Variants in TCEA3 observed in about 807,000 individuals in gnomAD.
The protein encoded by TCEA3 is transcription elongation factor A3.
In TCEA3, 36 loss-of-function variants were observed where a neutral mutation model predicts 44.0. That is an observed-to-expected ratio of 0.82 (90% CI 0.63 to 1.08). The LOEUF (loss-of-function observed/expected upper bound fraction) is 1.08, where lower values mean the gene tolerates loss of function less well. Among genes scored for constraint, TCEA3 ranks in the 50% least tolerant of loss-of-function variants. The pLI is 0.00. For missense variants in TCEA3, 392 were observed against 441.2 expected (o/e 0.89, Z 1.00); for synonymous variants, 162 against 159.7 (o/e 1.01, Z -0.11).
rs537364168 is a variant in TCEA3, at chr1:23,381,324, G to T, written c.*142C>A. 20 of 676,878 alleles carry T rather than the reference G, an allele frequency of 3.0e-5. No homozygotes were observed. The Admixed American group carries it at 4.7e-4, about 16-fold the overall frequency. 41.9% of individuals were successfully genotyped at this position (676,878 alleles called of 1,614,324 possible). On this transcript the variant is annotated 3_prime_UTR_variant, in exon 11 of 11. Coordinates refer to ENST00000450454, the MANE Select transcript of TCEA3 (RefSeq NM_003196.3). ...AATGACCGATTATTAATTTGCAAGA[G>T]AATTCTTCCTCTAACTCATACCATC... is the stretch of plus-strand genomic sequence containing the variant.
chr1:23,419,070 G>A lies in TCEA3; in HGVS notation c.132+7C>T, dbSNP rs372202082. 443 of 472,868 alleles carry A rather than the reference G, an allele frequency of 9.4e-4. 2 individuals carry two copies. The highest frequency in any genetic ancestry group is 4.7e-4 in the Non-Finnish European group (158 of 339,712). The allele number at this position is 472,868 out of a possible 1,614,324, so 29.3% of individuals were successfully genotyped here. The stretch of plus-strand genomic sequence containing the variant: ...CACTGTCCCAAGGCTTCCCACCCCC[G>A]CCCCACCTGTAGTAGCTGGATGGAC... On this transcript the variant is annotated splice_region_variant and intron_variant, in intron 2 of 10. Transcript: ENST00000450454.
chr1:23,413,137 T>C (rs754138389), intron 4 of TCEA3, among the ~76,000 whole-genome samples: 2 of 152,066 alleles, frequency 1.3e-5, no homozygotes, highest in Admixed American at 1.3e-4. Flanking sequence ...CATATGAATG[T>C]TCTTTTTTTC....
At chr1:23,424,493 C>T in intron 1 of TCEA3, 72 bp downstream of exon 1, 1 of 1,427,294 alleles carries the variant, frequency 7.0e-7, no homozygotes, top group Non-Finnish European at 9.7e-7. Flanking sequence ...CCAGTACGTC[C>T]CCACCCCGGA....
intron 5 of TCEA3, among the ~76,000 whole-genome samples, chr1:23,405,227 T>C (rs1241084865): frequency 6.6e-6 from 1 of 152,088 alleles, no homozygotes. Flanking sequence ...AATCAATGAA[T>C]GGATGAAAGA....
At chr1:23,397,120 C>A (rs988944905) in intron 7 of TCEA3, among the ~76,000 whole-genome samples, 2 of 151,876 alleles carry the variant, frequency 1.3e-5, no homozygotes, top group African/African-American at 2.4e-5. Context: ...GAAGTAACGA[C>A]TTGGCCAACT....
chr1:23,400,470 A>G (rs1001257711), intron 5 of TCEA3, among the ~76,000 whole-genome samples: 4 of 150,516 alleles, frequency 2.7e-5, no homozygotes, highest in South Asian at 2.1e-4. Flanking sequence ...TGGCCTCCCA[A>G]TGTGCTGAGA....
At chr1:23,424,497 C>A in intron 1 of TCEA3, 68 bp downstream of exon 1, 1 of 1,465,496 alleles carries the variant, frequency 6.8e-7, no homozygotes, top group East Asian at 2.3e-5. Context: ...TACGTCCCCA[C>A]CCCGGAATCC....
At chr1:23,382,405 G>A (rs573123832) in intron 10 of TCEA3, among the ~76,000 whole-genome samples, 21 of 152,234 alleles carry the variant, frequency 1.4e-4, no homozygotes, top group African/African-American at 2.6e-4. Context: ...CCAAACTCCC[G>A]TAATACTAGT....
chr1:23,391,053 A>T (rs1474352944), intron 8 of TCEA3, among the ~76,000 whole-genome samples: 6 of 152,116 alleles, frequency 3.9e-5, no homozygotes, highest in African/African-American at 1.4e-4. Flanking sequence ...GACACCGTCC[A>T]CATGGGTTCC....
chr1:23,389,860 G>A (rs1223092311), intron 8 of TCEA3, among the ~76,000 whole-genome samples: 1 of 152,168 alleles, frequency 6.6e-6, no homozygotes, highest in Non-Finnish European at 1.5e-5. Flanking sequence ...GTTGGGAAGA[G>A]CTACACATCA....
intron 10 of TCEA3, chr1:23,383,438 G>T: frequency 1.1e-6 from 1 of 950,238 alleles, no homozygotes; most frequent in Non-Finnish European, 1.3e-6. Context: ...TCTTGTAGTT[G>T]TTTGCAAAGT....
At chr1:23,416,957 G>A (rs557305432) in intron 4 of TCEA3, among the ~76,000 whole-genome samples, 8 of 152,254 alleles carry the variant, frequency 5.3e-5, no homozygotes, top group Admixed American at 2.6e-4. Context: ...ACTGCCGTGC[G>A]GTCTCCTATG....
intron 5 of TCEA3, among the ~76,000 whole-genome samples, chr1:23,399,259 T>A (rs919894398): frequency 4.0e-5 from 6 of 150,290 alleles, no homozygotes; most frequent in South Asian, 2.1e-4. Flanking sequence ...GAGGCTTCAC[T>A]AGCAGAAATT....
At chr1:23,421,929 T>C (rs1379913947) in intron 1 of TCEA3, among the ~76,000 whole-genome samples, 3 of 152,158 alleles carry the variant, frequency 2.0e-5, no homozygotes, top group Non-Finnish European at 2.9e-5. Flanking sequence ...CTGGGTCATA[T>C]TGGAGGAGAA....
intron 2 of TCEA3, 100 bp downstream of exon 2, chr1:23,418,977 A>G: frequency 1.1e-5 from 5 of 448,160 alleles, no homozygotes; most frequent in Non-Finnish European, 1.5e-5. Context: ...CCCCCCTCAG[A>G]AATTCCTCCC....
intron 10 of TCEA3, among the ~76,000 whole-genome samples, chr1:23,381,959 G>A (rs1265101406): frequency 2.0e-5 from 3 of 152,026 alleles, no homozygotes; most frequent in African/African-American, 7.2e-5. Context: ...TACATTTATT[G>A]AGCATTTATT....
intron 9 of TCEA3, 142 bp downstream of exon 9, chr1:23,387,131 A>C (rs906728054): frequency 9.3e-7 from 1 of 1,079,366 alleles, no homozygotes; most frequent in Non-Finnish European, 1.3e-6. Context: ...GTGATTACAG[A>C]CATGAGCCAC....
intron 4 of TCEA3, 120 bp from the exon 5 acceptor site, chr1:23,408,846 G>A (rs890875364): frequency 3.8e-5 from 33 of 879,566 alleles, no homozygotes; most frequent in Admixed American, 7.6e-5. Flanking sequence ...AAGCCCACCC[G>A]GGCCACAGCT....
intron 9 of TCEA3, among the ~76,000 whole-genome samples, chr1:23,385,623 G>T (rs1246494540): frequency 6.6e-6 from 1 of 152,200 alleles, no homozygotes; most frequent in Non-Finnish European, 1.5e-5. Flanking sequence ...CCGAACAGAC[G>T]GAGAACTCTG....
Sources: gnomAD v4.1 joint callset for allele counts (sites outside exome capture counted in the v4.1 genomes callset) on GRCh38, gnomAD v4.1.1 for gene constraint, MANE v1.5 for transcripts, NCBI Gene and HGNC (gene_info 2026-07-23, HGNC 2026-07-21) for gene names.